NDUFA10: variants seen among roughly 807,000 people sequenced by gnomAD.
NDUFA10 encodes the protein NADH:ubiquinone oxidoreductase subunit A10, also known as NADH dehydrogenase [ubiquinone] 1 alpha subcomplex subunit 10, mitochondrial.
NDUFA10 carries 40 observed loss-of-function variants against 47.8 expected under a neutral mutation model. The observed-to-expected ratio is 0.84, with a 90% confidence interval of 0.65 to 1.09. The LOEUF (loss-of-function observed/expected upper bound fraction) is 1.09, where lower values mean the gene tolerates loss of function less well. NDUFA10 is among the 50% of genes least tolerant of loss of function. The probability of loss-of-function intolerance (pLI) is 0.00; values close to 1 mark genes in which losing one functional copy is unlikely to be tolerated. For missense variants in NDUFA10, 413 were observed against 451.1 expected (o/e 0.92, Z 0.76); for synonymous variants, 183 against 172.2 (o/e 1.06, Z -0.49).
intron 8 of NDUFA10, among the ~76,000 whole-genome samples, chr2:239,991,129 C>T (rs1310797819): frequency 6.6e-6 from 1 of 152,078 alleles, no homozygotes; most frequent in Admixed American, 6.5e-5. Flanking sequence ...CCCACAGTAC[C>T]CAGGTAGGCT....
chr2:239,934,708 C>T (rs1461466174), intron 4 of NDUFA10, among the ~76,000 whole-genome samples: 1 of 152,160 alleles, frequency 6.6e-6, no homozygotes, highest in Admixed American at 6.5e-5. Flanking sequence ...GTCCTGTCAG[C>T]TGCGATTGTC....
At chr2:239,997,266 A>C (rs1253267280) in intron 8 of NDUFA10, among the ~76,000 whole-genome samples, 1 of 152,176 alleles carries the variant, frequency 6.6e-6, no homozygotes, top group African/African-American at 2.4e-5. Flanking sequence ...GTATACATCA[A>C]TAAAACAGAA....
At chr2:239,996,899 G>A (rs888719877) in intron 8 of NDUFA10, among the ~76,000 whole-genome samples, 1 of 151,692 alleles carries the variant, frequency 6.6e-6, no homozygotes, top group Non-Finnish European at 1.5e-5. Context: ...GCCCAGGGAA[G>A]CCAAAAGATT....
At chr2:239,997,517 A>T (rs6711494) in intron 8 of NDUFA10, among the ~76,000 whole-genome samples, 24,105 of 152,240 alleles carry the variant, frequency 0.16, 2,060 homozygotes, top group East Asian at 0.24. Context: ...AAGTATGAAT[A>T]CTGGTACACA....
At position 239,998,163 on chromosome 2, in the gene NDUFA10, G is replaced by A. The variant is rs1157919961; in HGVS notation, c.890+7047C>T. 1.3e-5 allele frequency among the ~76,000 whole-genome samples: 2 copies of A among 152,240 alleles called. 1 individual carries two copies. Among genetic ancestry groups the A allele is most frequent in the South Asian group, 4.2e-4 (2 of 4,818 alleles). Reference sequence around the variant, plus strand: ...GATTCTATATTCAACCTTTGTTCCCGACTTTCTCTTCCAAGAGGGTGTGCC... The same window carrying A: ...GATTCTATATTCAACCTTTGTTCCCAACTTTCTCTTCCAAGAGGGTGTGCC... On this transcript the variant is annotated intron_variant, in intron 8 of 9. Transcript: ENST00000252711.
At chr2:239,925,223 C>T (rs969395071) in intron 4 of NDUFA10, among the ~76,000 whole-genome samples, 5 of 152,042 alleles carry the variant, frequency 3.3e-5, no homozygotes, top group African/African-American at 1.2e-4. Flanking sequence ...ATAAACTAGA[C>T]TAGCTTAAAC....
intron 8 of NDUFA10, among the ~76,000 whole-genome samples, chr2:239,994,596 G>A (rs1244825783): frequency 6.6e-6 from 1 of 151,980 alleles, no homozygotes; most frequent in Admixed American, 6.6e-5. Flanking sequence ...TAAATGTAAC[G>A]CACTTGAATC....
At chr2:239,913,591 G>A (rs1693790935) in intron 4 of NDUFA10, among the ~76,000 whole-genome samples, 1 of 152,206 alleles carries the variant, frequency 6.6e-6, no homozygotes, top group Non-Finnish European at 1.5e-5. Flanking sequence ...GGGAGCTCTG[G>A]GCCACACGGC....
chr2:239,952,062 G>C lies in NDUFA10; in HGVS notation c.294+38012C>G, dbSNP rs1011888182. Among the ~76,000 whole-genome samples, 5 of 152,124 alleles carry C rather than the reference G, an allele frequency of 3.3e-5. 1 individual carries two copies. ...GCTGCCTGAAGTCCCACACCCACTA[G>C]AGGTCTGCACAGGAGCCGCCTGTGA... is the stretch of plus-strand genomic sequence containing the variant. On this transcript the variant is annotated intron_variant, in intron 4 of 5. Transcript: ENST00000419408.
intron 9 of NDUFA10, among the ~76,000 whole-genome samples, chr2:239,977,804 G>A (rs1011251175): frequency 2.6e-5 from 4 of 152,224 alleles, no homozygotes; most frequent in African/African-American, 9.7e-5. Flanking sequence ...AATGGCCAAC[G>A]TGGTCACTGG....
At chr2:240,000,499 A>G (rs138907834) in intron 8 of NDUFA10, among the ~76,000 whole-genome samples, 3 of 152,366 alleles carry the variant, frequency 2.0e-5, no homozygotes, top group Admixed American at 2.0e-4. Flanking sequence ...GTTTATAAAG[A>G]AAGTTATAGT....
At chr2:239,933,247 A>G (rs967860994) in intron 4 of NDUFA10, among the ~76,000 whole-genome samples, 1 of 152,170 alleles carries the variant, frequency 6.6e-6, no homozygotes. Context: ...CACCCAGGCC[A>G]TATCCCTCCA....
intron 4 of NDUFA10, among the ~76,000 whole-genome samples, chr2:239,942,374 G>T (rs966977345): frequency 2.0e-5 from 3 of 152,238 alleles, no homozygotes; most frequent in Admixed American, 2.0e-4. Flanking sequence ...CCAGGTGGAG[G>T]CTGGGGCCGC....
rs201330082 is a variant in NDUFA10, at chr2:240,001,515, CAG to C, written c.890+3693_890+3694del. Among the ~76,000 whole-genome samples the C allele has an allele frequency of 6.1e-4, 93 of 152,320 alleles. 1 individual carries two copies. The East Asian group carries it at 0.017, about 28-fold the overall frequency. Reference sequence around the variant, plus strand: ...GCTTTACAACAAGGAGACAGAGGCTCAGAGAGGTTAGGCCCCTTGCCCAGGGG... The same window carrying C: ...GCTTTACAACAAGGAGACAGAGGCTCAGAGGTTAGGCCCCTTGCCCAGGGG... On this transcript the variant is annotated intron_variant, in intron 8 of 9. Coordinates refer to ENST00000252711, the MANE Select transcript of NDUFA10 (RefSeq NM_004544.4).
intron 4 of NDUFA10, among the ~76,000 whole-genome samples, chr2:239,911,758 C>T (rs1276915232): frequency 6.6e-6 from 1 of 151,844 alleles, no homozygotes; most frequent in African/African-American, 2.4e-5. Flanking sequence ...GCCCATCCCC[C>T]AGTCTCTCTC....
rs190143882 is a variant in NDUFA10, at chr2:239,945,543, C to T, written c.294+44531G>A. Among the ~76,000 whole-genome samples the T allele has an allele frequency of 2.7e-3, 407 of 152,242 alleles. 1 individual carries two copies. The highest frequency in any genetic ancestry group is 6.8e-3 in the Middle Eastern group (2 of 294). ...AGCCGGTCAGGGCTGCAGTCTACCC[C>T]GTATGGCCAGGCTGGGAGGATCCTG... On this transcript the variant is annotated intron_variant, in intron 4 of 5. Transcript: ENST00000419408. The surrounding 1 kb of genome is among the most constrained non-coding windows in gnomAD (Gnocchi z 4.6).
chr2:240,018,232 A>G (rs113645586), intron 4 of NDUFA10, among the ~76,000 whole-genome samples: 1 of 152,192 alleles, frequency 6.6e-6, no homozygotes, highest in African/African-American at 2.4e-5. Flanking sequence ...CAGCCTAGGT[A>G]TTGCTAGGGC....
intron 4 of NDUFA10, among the ~76,000 whole-genome samples, chr2:239,909,379 G>A (rs150783946): frequency 0.13 from 20,030 of 152,226 alleles, 1,453 homozygotes; most frequent in Middle Eastern, 0.21. Context: ...TTGGGAGGCC[G>A]AGGCAGGCAG....
At chr2:239,907,572 CA>C (rs1280188637) in intron 4 of NDUFA10, among the ~76,000 whole-genome samples, 8 of 152,270 alleles carry the variant, frequency 5.3e-5, no homozygotes, top group African/African-American at 1.9e-4. Context: ...ACAACCCCAT[CA>C]AAAAGTGGGC....
Sources: gnomAD v4.1 joint callset for allele counts (sites outside exome capture counted in the v4.1 genomes callset) on GRCh38, gnomAD v4.1.1 for gene constraint, Gnocchi (gnomAD v3.1) non-coding constraint, MANE v1.5 for transcripts, NCBI Gene and HGNC (gene_info 2026-07-23, HGNC 2026-07-21) for gene names.